PI4KA: variants seen among roughly 807,000 people sequenced by gnomAD.
PI4KA encodes the protein PI4-kinase alpha.
Under a neutral mutation model 271.4 loss-of-function variants are expected in PI4KA, and 122 were observed. The ratio of observed to expected loss-of-function variants is 0.45; its 90% confidence interval spans 0.39 to 0.52. PI4KA has a LOEUF of 0.52. Ranked by LOEUF, PI4KA falls within the 20% of genes least tolerant of loss-of-function variation. The pLI, the probability that PI4KA is intolerant of heterozygous loss-of-function variation, is 0.00. For synonymous variants in PI4KA, 1,041 were observed against 1,078.8 expected (o/e 0.96, Z 0.69); for missense variants, 1,969 against 2,769.1 (o/e 0.71, Z 6.48).
At chr22:20,730,366 C>T (rs936164052) in intron 36 of PI4KA, among the ~76,000 whole-genome samples, 30 of 152,066 alleles carry the variant, frequency 2.0e-4, no homozygotes, top group African/African-American at 7.3e-4. Flanking sequence ...CCTCCGCCTC[C>T]TGGGTTCAAG....
chr22:20,801,039 T>A (rs1329432655), intron 14 of PI4KA, among the ~76,000 whole-genome samples: 1 of 147,708 alleles, frequency 6.8e-6, no homozygotes, highest in African/African-American at 2.5e-5. Flanking sequence ...TACAGGCACG[T>A]GCCACCACGC....
Position 20,713,392 on chromosome 22 carries a change from T to C in PI4KA, c.5462-2A>G, listed in dbSNP as rs1479805477. On this transcript the variant is annotated splice_acceptor_variant, in intron 47 of 54. Coordinates refer to ENST00000255882, the MANE Select transcript of PI4KA (RefSeq NM_058004.4). LOFTEE classifies it high-confidence loss of function. Reference sequence around the variant, plus strand: ...CGGAGTCTGAGCGGCACCGCAGACCTGCCCGCAGGGAGAGAGGCCGCTGTT... The same window carrying C: ...CGGAGTCTGAGCGGCACCGCAGACCCGCCCGCAGGGAGAGAGGCCGCTGTT... 1.9e-6 allele frequency: 3 copies of C among 1,566,704 alleles called. No individual in the cohort carries two copies. The highest frequency in any genetic ancestry group is 2.4e-5 in the East Asian group (1 of 42,462).
intron 22 of PI4KA, among the ~76,000 whole-genome samples, chr22:20,762,695 T>A (rs527695750): frequency 5.9e-5 from 9 of 152,340 alleles, no homozygotes; most frequent in Non-Finnish European, 1.0e-4. Flanking sequence ...TGTTTGGGTC[T>A]GGCTTGTTTT....
intron 25 of PI4KA, 34 bp downstream of exon 25, chr22:20,752,869 T>A: frequency 6.2e-7 from 1 of 1,607,314 alleles, no homozygotes; most frequent in Non-Finnish European, 8.5e-7. Context: ...TTTATATACA[T>A]ACACACAAAA....
intron 39 of PI4KA, among the ~76,000 whole-genome samples, chr22:20,728,253 TAA>T (rs920723431): frequency 5.9e-5 from 9 of 151,418 alleles, no homozygotes; most frequent in Non-Finnish European, 1.0e-4. Context: ...CACAGAAATT[TAA>T]AAAAAAAGTT....
At chr22:20,798,477 G>C (rs1601523064) in intron 17 of PI4KA, 107 bp downstream of exon 17, 1 of 805,574 alleles carries the variant, frequency 1.2e-6, no homozygotes, top group East Asian at 2.4e-5. Context: ...GTAGCATATA[G>C]TTTTCTTGCA....
chr22:20,770,579 G>GACACACACACACACACAC (rs528696021), intron 19 of PI4KA, among the ~76,000 whole-genome samples: 2 of 96,024 alleles, frequency 2.1e-5, no homozygotes, highest in Non-Finnish European at 2.0e-5. Flanking sequence ...GCTGGACACG[G>GACACACACACACACACAC]ACACACACAC....
intron 14 of PI4KA, among the ~76,000 whole-genome samples, 185 bp downstream of exon 14, chr22:20,801,788 A>G (rs1360575308): frequency 1.3e-5 from 2 of 152,164 alleles, no homozygotes; most frequent in Non-Finnish European, 2.9e-5. Context: ...GGGGAGGCTG[A>G]GGCAGGAAAA....
intron 42 of PI4KA, chr22:20,725,653 T>C (rs1927255968): frequency 2.7e-6 from 1 of 375,834 alleles, no homozygotes; most frequent in Admixed American, 2.6e-5. Flanking sequence ...CCAGCACTTT[T>C]GGAGGCGGAG....
At chr22:20,791,965 G>T (rs1209951842) in intron 19 of PI4KA, among the ~76,000 whole-genome samples, 1 of 152,070 alleles carries the variant, frequency 6.6e-6, no homozygotes, top group Non-Finnish European at 1.5e-5. Flanking sequence ...GCCATGCGTG[G>T]TAGGGCGTGC....
intron 3 of PI4KA, among the ~76,000 whole-genome samples, chr22:20,825,069 C>CAAAAAAAAAAAAAA (rs362248): frequency 3.9e-5 from 3 of 76,876 alleles, no homozygotes; most frequent in African/African-American, 1.7e-4. Flanking sequence ...GACGCCATCT[C>CAAAAAAAAAAAAAA]AAAAAAAAAA....
intron 19 of PI4KA, among the ~76,000 whole-genome samples, chr22:20,772,669 C>T (rs1932929519): frequency 6.6e-6 from 1 of 152,250 alleles, no homozygotes. Flanking sequence ...TTCAGATAGA[C>T]TCTGGGTGCC....
chr22:20,780,105 C>A, intron 19 of PI4KA: 2 of 1,614,150 alleles, frequency 1.2e-6, no homozygotes, highest in Non-Finnish European at 8.5e-7. Context: ...AACCAACAAC[C>A]ACATCATGAA....
intron 36 of PI4KA, among the ~76,000 whole-genome samples, chr22:20,730,286 A>T (rs1601351504): frequency 7.5e-6 from 1 of 133,034 alleles, no homozygotes; most frequent in African/African-American, 2.8e-5. Flanking sequence ...TTACTTATTT[A>T]TTTTTGAGAT....
At chr22:20,833,572 C>T (rs1387350490) in intron 3 of PI4KA, among the ~76,000 whole-genome samples, 1 of 151,156 alleles carries the variant, frequency 6.6e-6, no homozygotes, top group Non-Finnish European at 1.5e-5. Flanking sequence ...GGTGGTGTTG[C>T]GGGGCCCAGA....
Position 20,742,488 on chromosome 22 carries a change from C to T in PI4KA, c.3613+120G>A, listed in dbSNP as rs776478729. 28 of 1,540,226 alleles carry T rather than the reference C, an allele frequency of 1.8e-5. No individual in the cohort carries two copies. The African/African-American group carries it at 3.5e-4, about 20-fold the overall frequency. On this transcript the variant is annotated intron_variant, in intron 31 of 54. Coordinates refer to ENST00000255882, the MANE Select transcript of PI4KA (RefSeq NM_058004.4). The stretch of plus-strand genomic sequence containing the variant: ...ATTGACTTTCCACTCATGAGAGATA[C>T]TCCTCTACTGGGGGAGCTCCTGCTC...
In PI4KA at chr22:20,780,078, C is replaced by T. The variant is rs560768887; in HGVS notation, c.2328+13115G>A. ...GGCCCAGATAGCTGACTTCTCAGAC[C>T]CTGCCTTCATATCAAAAACCAACAA... On this transcript the variant is annotated intron_variant, in intron 19 of 54. Transcript: ENST00000255882. The T allele has an allele frequency of 9.4e-5, 152 of 1,614,100 alleles. 2 individuals carry two copies. In the South Asian group the frequency reaches 1.5e-3, roughly 16 times the overall value.
chr22:20,716,168 A>T (rs1041964406), intron 45 of PI4KA, among the ~76,000 whole-genome samples: 1 of 152,080 alleles, frequency 6.6e-6, no homozygotes, highest in Non-Finnish European at 1.5e-5. Flanking sequence ...CTCCTGCCTC[A>T]GCCTCCCGAG....
Position 20,712,560 on chromosome 22 carries a change from G to A in PI4KA, c.5728C>T (p.Arg1910Cys), listed in dbSNP as rs991475637. Reference sequence around the variant, plus strand: ...TCGTACATGCCGAAGTCTGTCTGGCGGCCCAGCTGGTCCCGGGAGGTGCAG... The same window carrying A: ...TCGTACATGCCGAAGTCTGTCTGGCAGCCCAGCTGGTCCCGGGAGGTGCAG... ...PDCTSRDQLG[R>C]QTDFGMYDYF... Residue 1910 changes from arginine to cysteine, a missense_variant, in exon 50 of 55, where the codon CGC becomes TGC. By Grantham distance (180) the Arg-to-Cys change is radical (BLOSUM62 -3). Transcript: ENST00000255882. The A allele has an allele frequency of 3.1e-6, 5 of 1,592,996 alleles. No individual in the cohort carries two copies. Among genetic ancestry groups the A allele is most frequent in the Non-Finnish European group, 4.3e-6 (5 of 1,171,172 alleles).
Sources: gnomAD v4.1 joint callset for allele counts (sites outside exome capture counted in the v4.1 genomes callset) on GRCh38, gnomAD v4.1.1 for gene constraint, MANE v1.5 for transcripts, NCBI Gene and HGNC (gene_info 2026-07-23, HGNC 2026-07-21) for gene names.